NAALADL2: variants seen among roughly 807,000 people sequenced by gnomAD.
NAALADL2 encodes the protein inactive N-acetylated-alpha-linked acidic dipeptidase-like protein 2.
NAALADL2 carries 76 observed loss-of-function variants against 87.2 expected under a neutral mutation model. The observed-to-expected ratio is 0.87, with a 90% CI of 0.72 to 1.05. The LOEUF (loss-of-function observed/expected upper bound fraction) is 1.05, where lower values mean the gene tolerates loss of function less well. NAALADL2 is among the 50% of genes least tolerant of loss of function. The pLI is 0.00. For missense variants in NAALADL2, 1,089 were observed against 945.8 expected (o/e 1.15, Z -1.99); for synonymous variants, 354 against 331.0 (o/e 1.07, Z -0.75).
At chr3:175,286,955 G>C (rs1329546866) in intron 4 of NAALADL2, among the ~76,000 whole-genome samples, 1 of 139,600 alleles carries the variant, frequency 7.2e-6, no homozygotes, top group Non-Finnish European at 1.5e-5. Flanking sequence ...GGTGGTCTGT[G>C]CCCCTAGTCG....
intron 3 of NAALADL2, among the ~76,000 whole-genome samples, chr3:174,745,349 C>T (rs1423073933): frequency 6.6e-6 from 1 of 151,906 alleles, no homozygotes; most frequent in South Asian, 2.1e-4. Context: ...CTAAAAAAAA[C>T]TGATAAATTC....
At chr3:174,458,332 C>A (rs943776562) in intron 1 of NAALADL2, among the ~76,000 whole-genome samples, 1 of 152,144 alleles carries the variant, frequency 6.6e-6, no homozygotes, top group East Asian at 1.9e-4. Flanking sequence ...TTCCTGACAA[C>A]TTGACTCACC....
chr3:174,580,599 G>A (rs1217320158), intron 2 of NAALADL2, among the ~76,000 whole-genome samples: 1 of 151,886 alleles, frequency 6.6e-6, no homozygotes, highest in African/African-American at 2.4e-5. Context: ...AATCTGTTTT[G>A]TGTCACTGTA....
chr3:174,893,316 C>CA (rs879380191), intron 1 of NAALADL2, among the ~76,000 whole-genome samples: 8 of 142,908 alleles, frequency 5.6e-5, no homozygotes, highest in Non-Finnish European at 9.2e-5. Flanking sequence ...TTCAACCCCC[C>CA]CCCGCAAAAA....
At chr3:174,481,639 TAG>T (rs1483572853) in intron 1 of NAALADL2, among the ~76,000 whole-genome samples, 2 of 151,962 alleles carry the variant, frequency 1.3e-5, no homozygotes, top group African/African-American at 2.4e-5. Context: ...ACTCAACATA[TAG>T]TTGTATTCAT....
chr3:175,724,636 A>C (rs1179903102), intron 11 of NAALADL2, among the ~76,000 whole-genome samples: 1 of 152,148 alleles, frequency 6.6e-6, no homozygotes, highest in Non-Finnish European at 1.5e-5. Context: ...TTTGACCATC[A>C]TTTAAAATCT....
chr3:175,531,125 C>G (rs1734038405), intron 9 of NAALADL2, among the ~76,000 whole-genome samples: 1 of 152,120 alleles, frequency 6.6e-6, no homozygotes, highest in African/African-American at 2.4e-5. Context: ...GCTTGCACAG[C>G]AGCCTAGACC....
intron 5 of NAALADL2, among the ~76,000 whole-genome samples, chr3:175,398,790 T>C (rs1385785823): frequency 6.6e-6 from 1 of 152,106 alleles, no homozygotes; most frequent in Non-Finnish European, 1.5e-5. Context: ...TTAAGTTTAT[T>C]AGTCATTTTA....
chr3:175,037,712 C>G (rs1753581265), intron 1 of NAALADL2, among the ~76,000 whole-genome samples: 1 of 152,118 alleles, frequency 6.6e-6, no homozygotes, highest in African/African-American at 2.4e-5. Flanking sequence ...GAGCCTTTTT[C>G]CTAGGTAGAT....
intron 5 of NAALADL2, among the ~76,000 whole-genome samples, chr3:175,424,067 T>G (rs1446920734): frequency 1.3e-5 from 2 of 152,222 alleles, no homozygotes; most frequent in East Asian, 3.8e-4. Flanking sequence ...ATGTCTTCTT[T>G]TGAGAAGTGT....
chr3:174,652,290 G>C (rs533591111), intron 2 of NAALADL2, among the ~76,000 whole-genome samples: 1 of 152,218 alleles, frequency 6.6e-6, no homozygotes, highest in African/African-American at 2.4e-5. Context: ...TGCTATAGAG[G>C]GATATCTTCG....
chr3:175,054,938 G>A (rs1449343049), intron 1 of NAALADL2, among the ~76,000 whole-genome samples: 1 of 151,988 alleles, frequency 6.6e-6, no homozygotes, highest in Non-Finnish European at 1.5e-5. Flanking sequence ...GTTGTCCATC[G>A]GGCCCTTCAC....
intron 2 of NAALADL2, among the ~76,000 whole-genome samples, chr3:175,179,705 G>A (rs1392702278): frequency 6.6e-6 from 1 of 151,890 alleles, no homozygotes; most frequent in East Asian, 1.9e-4. Context: ...ACTATTATAA[G>A]GATTTTGAGA....
intron 2 of NAALADL2, among the ~76,000 whole-genome samples, chr3:175,117,247 C>A (rs1453527659): frequency 7.0e-6 from 1 of 143,442 alleles, no homozygotes; most frequent in Non-Finnish European, 1.5e-5. Context: ...GCAACAAAAG[C>A]CAAAATTGAC....
At chr3:174,879,962 G>T (rs975742770) in intron 1 of NAALADL2, among the ~76,000 whole-genome samples, 1 of 151,852 alleles carries the variant, frequency 6.6e-6, no homozygotes, top group African/African-American at 2.4e-5. Context: ...CCTGGTCTTC[G>T]GGTACTGTGC....
At chr3:175,526,120 C>G (rs952955616) in intron 9 of NAALADL2, among the ~76,000 whole-genome samples, 2 of 152,146 alleles carry the variant, frequency 1.3e-5, no homozygotes, top group Non-Finnish European at 2.9e-5. Context: ...ACAGTCTTGT[C>G]AAATGCTAAT....
chr3:174,603,913 T>A (rs10936806), intron 2 of NAALADL2, among the ~76,000 whole-genome samples: 19,609 of 152,156 alleles, frequency 0.13, 1,758 homozygotes, highest in East Asian at 0.46. Flanking sequence ...TATTCCATTG[T>A]GGTCAAAGAA....
chr3:175,631,897 A>G (rs1727818259), intron 11 of NAALADL2, among the ~76,000 whole-genome samples: 1 of 152,074 alleles, frequency 6.6e-6, no homozygotes. Flanking sequence ...CTATCTATGC[A>G]TTCTGATAAT....
At chr3:175,333,031 T>G (rs1761574819) in intron 5 of NAALADL2, among the ~76,000 whole-genome samples, 1 of 152,114 alleles carries the variant, frequency 6.6e-6, no homozygotes, top group African/African-American at 2.4e-5. Flanking sequence ...AATTCTTGGG[T>G]TTTCAGGCTT....
Sources: gnomAD v4.1 joint callset for allele counts (sites outside exome capture counted in the v4.1 genomes callset) on GRCh38, gnomAD v4.1.1 for gene constraint, MANE v1.5 for transcripts, NCBI Gene and HGNC (gene_info 2026-07-23, HGNC 2026-07-21) for gene names.